Variants in RFX6 observed in about 807,000 individuals in gnomAD.
RFX6 encodes DNA-binding protein RFX6.
RFX6 carries 50 observed loss-of-function variants against 110.8 expected under a neutral mutation model. That is an observed-to-expected ratio of 0.45 (90% CI 0.36 to 0.57). The LOEUF is 0.57. RFX6 is among the 20% of genes least tolerant of loss of function. The probability of loss-of-function intolerance (pLI) is 0.00; values close to 1 mark genes in which losing one functional copy is unlikely to be tolerated. For missense variants in RFX6, 990 were observed against 1,127.0 expected (o/e 0.88, Z 1.74); for synonymous variants, 383 against 411.2 (o/e 0.93, Z 0.83).
At chr6:116,924,095 G>A (rs1025640978) in intron 14 of RFX6, among the ~76,000 whole-genome samples, 2 of 152,058 alleles carry the variant, frequency 1.3e-5, no homozygotes, top group African/African-American at 4.8e-5. Context: ...GCCTTACTAC[G>A]AAAAATACTT....
intron 6 of RFX6, 103 bp downstream of exon 6, chr6:116,895,310 T>C: frequency 2.9e-6 from 2 of 686,146 alleles, no homozygotes; most frequent in Non-Finnish European, 5.1e-6. Flanking sequence ...AAATAAATGT[T>C]ATTTATTAGG....
intron 6 of RFX6, among the ~76,000 whole-genome samples, chr6:116,900,271 T>A (rs1405937961): frequency 6.6e-6 from 1 of 152,206 alleles, no homozygotes; most frequent in Non-Finnish European, 1.5e-5. Context: ...TTTCTTTTTT[T>A]TTGAGATGGA....
chr6:116,931,909 A>G lies in RFX6; in HGVS notation c.*403A>G, dbSNP rs1481328541. 5.6e-6 allele frequency: 1 copy of G among 179,922 alleles called. No individual in the cohort carries two copies. The highest frequency in any genetic ancestry group is 2.4e-5 in the African/African-American group (1 of 41,722). The allele number at this position is 179,922 out of a possible 1,614,324, so 11.1% of individuals were successfully genotyped here. A position where few individuals can be genotyped will look rare whatever the true frequency, so the allele number is the denominator to read the frequency against. ...TTTAATTTATTAGGATCTCAGAATC[A>G]TTGTTTACTATCCCTTATTTGACAA... On this transcript the variant is annotated 3_prime_UTR_variant, in exon 19 of 19. Transcript: ENST00000332958.
rs922321475 is a variant in RFX6, at chr6:116,877,695, C to A, written c.224-101C>A. The A allele has an allele frequency of 1.7e-5, 21 of 1,229,650 alleles. 2 individuals are homozygous for A. In the South Asian group the frequency reaches 2.6e-4, roughly 15 times the overall value. 76.2% of individuals were successfully genotyped at this position (1,229,650 alleles called of 1,614,324 possible). On this transcript the variant is annotated intron_variant, in intron 1 of 18. Coordinates refer to ENST00000332958, the MANE Select transcript of RFX6 (RefSeq NM_173560.4). ...GCCCCCCTTTCCTCCCCTCCGCCCC[C>A]ACCCCAGTAGGCTACTCCTTTGAAG...
At chr6:116,889,942 A>G (rs184868122) in intron 4 of RFX6, among the ~76,000 whole-genome samples, 1 of 152,176 alleles carries the variant, frequency 6.6e-6, no homozygotes, top group East Asian at 1.9e-4. Context: ...CTGCGAGTTT[A>G]TACATGAAAT....
At chr6:116,885,306 G>A (rs1043287604) in intron 4 of RFX6, among the ~76,000 whole-genome samples, 1 of 152,216 alleles carries the variant, frequency 6.6e-6, no homozygotes, top group Admixed American at 6.5e-5. Flanking sequence ...ATGAGATAAA[G>A]TATAGGAATG....
At chr6:116,919,388 A>G in intron 11 of RFX6, 92 bp downstream of exon 11, 2 of 1,166,608 alleles carry the variant, frequency 1.7e-6, no homozygotes, top group East Asian at 2.3e-5. Flanking sequence ...CATAGATTGA[A>G]GGGAGCTAAG....
chr6:116,906,140 T>C (rs934052987), intron 6 of RFX6, among the ~76,000 whole-genome samples: 1 of 152,188 alleles, frequency 6.6e-6, no homozygotes, highest in Non-Finnish European at 1.5e-5. Context: ...CCTTTCCCCA[T>C]AGAATGGTTT....
In RFX6 at chr6:116,894,076, C is replaced by T. The variant is rs1325280469; in HGVS notation, c.644+12C>T. Reference sequence around the variant, plus strand: ...AAGGGCTTGACAAGGTAGAGTTACACCATCTTCAAGACAAATTCTCTGTGT... The same window carrying T: ...AAGGGCTTGACAAGGTAGAGTTACATCATCTTCAAGACAAATTCTCTGTGT... On this transcript the variant is annotated intron_variant, in intron 5 of 18. Coordinates refer to ENST00000332958, the MANE Select transcript of RFX6 (RefSeq NM_173560.4). 3 of 1,404,134 alleles carry T rather than the reference C, an allele frequency of 2.1e-6. No homozygotes were observed. In the East Asian group the frequency reaches 6.8e-5, roughly 32 times the overall value. The allele number at this position is 1,404,134 out of a possible 1,614,324, so 87.0% of individuals were successfully genotyped here.
chr6:116,889,306 T>C (rs1774769217), intron 4 of RFX6, among the ~76,000 whole-genome samples: 1 of 152,186 alleles, frequency 6.6e-6, no homozygotes, highest in Non-Finnish European at 1.5e-5. Flanking sequence ...CACATTGATT[T>C]AACCAGTAAA....
chr6:116,912,877 T>C (rs1775384074), intron 7 of RFX6, among the ~76,000 whole-genome samples: 1 of 152,086 alleles, frequency 6.6e-6, no homozygotes, highest in African/African-American at 2.4e-5. Context: ...GGTATCAAGG[T>C]GCTTTTATAA....
intron 7 of RFX6, among the ~76,000 whole-genome samples, chr6:116,912,975 C>T (rs1172723889): frequency 6.6e-6 from 1 of 152,168 alleles, no homozygotes. Flanking sequence ...AGCTCTGTCA[C>T]CTTCCTTGCC....
chr6:116,899,304 A>G (rs1775017307), intron 6 of RFX6, among the ~76,000 whole-genome samples: 1 of 152,302 alleles, frequency 6.6e-6, no homozygotes, highest in African/African-American at 2.4e-5. Flanking sequence ...TATAATGAAA[A>G]TTTGAGTGGG....
intron 6 of RFX6, among the ~76,000 whole-genome samples, chr6:116,905,367 T>C (rs979733650): frequency 1.3e-5 from 2 of 152,116 alleles, no homozygotes; most frequent in African/African-American, 4.8e-5. Flanking sequence ...ATCAAGTCCT[T>C]TGCCCATTAT....
At chr6:116,886,767 A>T (rs1421648734) in intron 4 of RFX6, among the ~76,000 whole-genome samples, 4 of 151,866 alleles carry the variant, frequency 2.6e-5, no homozygotes, top group Non-Finnish European at 5.9e-5. Flanking sequence ...CAGATATATT[A>T]AAACAAAAAA....
At chr6:116,929,537 G>A (rs1456947220) in intron 18 of RFX6, among the ~76,000 whole-genome samples, 2 of 152,114 alleles carry the variant, frequency 1.3e-5, no homozygotes, top group African/African-American at 4.8e-5. Context: ...GTAAAAATAA[G>A]AAAAACGTGT....
At chr6:116,925,687 C>T (rs1467909306) in intron 16 of RFX6, 28 bp downstream of exon 16, 1 of 1,485,876 alleles carries the variant, frequency 6.7e-7, no homozygotes, top group Non-Finnish European at 9.4e-7. Flanking sequence ...GCTTAGGCTC[C>T]AGCACATCTC....
At position 116,920,432 on chromosome 6, in the gene RFX6, T is replaced by C. The variant is rs576075093; in HGVS notation, c.1305T>C (p.Thr435=). 6.2e-7 allele frequency: 1 copy of C among 1,613,510 alleles called. No homozygotes were observed. Among genetic ancestry groups the C allele is most frequent in the African/African-American group, 1.3e-5 (1 of 75,000 alleles). Residue 435 remains threonine, a synonymous_variant, in exon 12 of 19, where the codon ACT becomes ACC. Transcript: ENST00000332958. The part of the protein sequence containing the change: ...ALLTISGSTD[T]ESGIYTEHDS... ...TTACCATTTCAGGCAGCACAGACAC[T>C]GAATCTGGTATCTACACTGAACGTA...
chr6:116,883,117 A>G (rs1562132193), intron 4 of RFX6, among the ~76,000 whole-genome samples: 1 of 151,966 alleles, frequency 6.6e-6, no homozygotes, highest in Non-Finnish European at 1.5e-5. Context: ...AAAAGTTCCA[A>G]CCTTCATGAT....
Sources: gnomAD v4.1 joint callset for allele counts (sites outside exome capture counted in the v4.1 genomes callset) on GRCh38, gnomAD v4.1.1 for gene constraint, MANE v1.5 for transcripts, NCBI Gene and HGNC (gene_info 2026-07-23, HGNC 2026-07-21) for gene names.